Variants in MEI4 observed in about 807,000 individuals in gnomAD.
MEI4 encodes the protein meiosis-specific protein MEI4.
MEI4 carries 27 observed loss-of-function variants against 31.4 expected under a neutral mutation model. The observed-to-expected ratio is 0.86, with a 90% CI of 0.63 to 1.19. MEI4 has a LOEUF of 1.19. Ranked by LOEUF, MEI4 falls within the 50% of genes most tolerant of loss-of-function variation. MEI4 has a pLI of 0.00. For missense variants in MEI4, 329 were observed against 398.9 expected (o/e 0.82, Z 1.49); for synonymous variants, 122 against 145.4 (o/e 0.84, Z 1.16).
rs556630362 is a variant in MEI4, at chr6:77,925,200, T to C, written c.*1854T>C. The stretch of plus-strand genomic sequence containing the variant: ...TTTGGAGCTACAACAAATTTATTAA[T>C]TTCAGTGGTCTCCAAGGCTTCAAGG... On this transcript the variant is annotated 3_prime_UTR_variant, in exon 5 of 5. Transcript: ENST00000684080. 36 of 152,006 alleles carry C rather than the reference T, an allele frequency of 2.4e-4. No individual in the cohort carries two copies. In the South Asian group the frequency reaches 7.5e-3, roughly 31 times the overall value. The allele number at this position is 152,006 out of a possible 1,614,324, so 9.4% of individuals were successfully genotyped here.
In MEI4 at chr6:77,886,512, C is replaced by G. The variant is rs148929223; in HGVS notation, c.901-36577C>G. On this transcript the variant is annotated intron_variant, in intron 4 of 4. Coordinates refer to ENST00000684080, the MANE Select transcript of MEI4 (RefSeq NM_001322247.2). Reference sequence around the variant, plus strand: ...GTGGTGCAAGCTCAGCTTACTGCAACCTCTGCCTTTCAGGTTCAAGCAATT... The same window carrying G: ...GTGGTGCAAGCTCAGCTTACTGCAAGCTCTGCCTTTCAGGTTCAAGCAATT... Among the ~76,000 whole-genome samples, 213 of 152,060 alleles carry G rather than the reference C, an allele frequency of 1.4e-3. 1 individual carries two copies. Among genetic ancestry groups the G allele is most frequent in the African/African-American group, 4.5e-3 (187 of 41,474 alleles).
intron 2 of MEI4, among the ~76,000 whole-genome samples, chr6:77,751,647 C>A (rs1423069308): frequency 6.6e-6 from 1 of 152,044 alleles, no homozygotes; most frequent in African/African-American, 2.4e-5. Flanking sequence ...CAAAAAAAGT[C>A]CAGGACCAGA....
At chr6:77,682,361 G>C (rs1291595305) in intron 1 of MEI4, among the ~76,000 whole-genome samples, 3 of 152,162 alleles carry the variant, frequency 2.0e-5, no homozygotes, top group African/African-American at 7.2e-5. Flanking sequence ...ACCTAAAACT[G>C]TATGCGAATT....
intron 3 of MEI4, among the ~76,000 whole-genome samples, chr6:77,804,017 A>G (rs970738645): frequency 1.3e-5 from 2 of 152,146 alleles, no homozygotes; most frequent in Admixed American, 1.3e-4. Flanking sequence ...AGGGACATTT[A>G]TGTCTGCAGA....
rs568325110 is a variant in MEI4 at position 77,745,884 on chromosome 6, G to A, written c.233-15246G>A. Among the ~76,000 whole-genome samples the A allele has an allele frequency of 3.5e-4, 53 of 152,220 alleles. No individual in the cohort carries two copies. In the East Asian group the frequency reaches 9.5e-3, roughly 27 times the overall value. On this transcript the variant is annotated intron_variant, in intron 2 of 4. Coordinates refer to ENST00000684080, the MANE Select transcript of MEI4 (RefSeq NM_001322247.2). ...CCTGAATGACTACTGGGTACATAAT[G>A]AAATGAAGGGAGAAATAAAGATGTT...
At chr6:77,883,141 G>GA (rs1228644153) in intron 4 of MEI4, among the ~76,000 whole-genome samples, 3 of 151,968 alleles carry the variant, frequency 2.0e-5, no homozygotes, top group African/African-American at 7.2e-5. Context: ...ATATGTATCT[G>GA]AAAAAAAGAT....
At chr6:77,842,716 G>T (rs748709616) in intron 4 of MEI4, among the ~76,000 whole-genome samples, 2 of 151,976 alleles carry the variant, frequency 1.3e-5, no homozygotes, top group African/African-American at 4.8e-5. Flanking sequence ...AGAAAGAAAA[G>T]GTACAACTTG....
chr6:77,895,904 A>G (rs934953804), intron 4 of MEI4, among the ~76,000 whole-genome samples: 28 of 152,160 alleles, frequency 1.8e-4, no homozygotes, highest in African/African-American at 6.8e-4. Context: ...CACATAATAA[A>G]CACTGTATTA....
At position 77,923,623 on chromosome 6, in the gene MEI4, G is replaced by A. The variant is rs184918143; in HGVS notation, c.*277G>A. The A allele has an allele frequency of 7.2e-5, 15 of 208,406 alleles. No homozygotes were observed. The East Asian group carries it at 1.4e-3, about 20-fold the overall frequency. The allele number at this position is 208,406 out of a possible 1,614,324, so 12.9% of individuals were successfully genotyped here. A position where few individuals can be genotyped will look rare whatever the true frequency, so the allele number is the denominator to read the frequency against. ...CAATATAGTTTAGCTCTATTATTCT[G>A]TAAAATGGACCATTAATTGTCTGTC... On this transcript the variant is annotated 3_prime_UTR_variant, in exon 5 of 5. Transcript: ENST00000684080.
At chr6:77,752,982 A>G (rs1010199573) in intron 2 of MEI4, among the ~76,000 whole-genome samples, 1 of 152,214 alleles carries the variant, frequency 6.6e-6, no homozygotes, top group African/African-American at 2.4e-5. Context: ...GACAAACCTG[A>G]CAAAAACAAG....
At chr6:77,690,213 TA>T (rs1769133372) in intron 1 of MEI4, among the ~76,000 whole-genome samples, 1 of 152,014 alleles carries the variant, frequency 6.6e-6, no homozygotes, top group East Asian at 1.9e-4. Context: ...AGGAAGGACT[TA>T]AATTTATAAA....
rs9448142 is a variant in MEI4, at chr6:77,684,774, T to C, written c.-14-5884T>C. ...AATCTGTTGATACACAATTAGGTTG[T>C]TTCCAAATCTTAGTTATTGTAAATA... On this transcript the variant is annotated intron_variant, in intron 1 of 4. Coordinates refer to ENST00000684080, the MANE Select transcript of MEI4 (RefSeq NM_001322247.2). 8.1e-3 allele frequency among the ~76,000 whole-genome samples: 1,227 copies of C among 152,320 alleles called. 14 individuals carry two copies. The highest frequency in any genetic ancestry group is 0.027 in the African/African-American group (1,111 of 41,576).
chr6:77,680,168 A>G (rs1582016544), intron 1 of MEI4, among the ~76,000 whole-genome samples: 6 of 138,472 alleles, frequency 4.3e-5, no homozygotes, highest in Admixed American at 1.6e-4. Flanking sequence ...AGTCCCAGCT[A>G]CTCAGGAGGC....
intron 4 of MEI4, among the ~76,000 whole-genome samples, chr6:77,849,138 A>G (rs1165317702): frequency 6.6e-6 from 1 of 152,178 alleles, no homozygotes; most frequent in Non-Finnish European, 1.5e-5. Flanking sequence ...GAAAAATAAC[A>G]ATAATAAACC....
intron 2 of MEI4, among the ~76,000 whole-genome samples, chr6:77,711,769 T>G (rs1014024524): frequency 6.6e-6 from 1 of 152,230 alleles, no homozygotes; most frequent in African/African-American, 2.4e-5. Flanking sequence ...GACTGTTTCT[T>G]CTACTCTCAG....
At position 77,835,336 on chromosome 6, in the gene MEI4, G is replaced by A. The variant is rs1770187639; in HGVS notation, c.900+6274G>A. Among the ~76,000 whole-genome samples, 7 of 143,832 alleles carry A rather than the reference G, an allele frequency of 4.9e-5. No individual in the cohort carries two copies. In the South Asian group the frequency reaches 1.5e-3, roughly 31 times the overall value. 94.4% of individuals were successfully genotyped at this position (143,832 alleles called of 152,430 possible). On this transcript the variant is annotated intron_variant, in intron 4 of 4. Transcript: ENST00000684080. ...GACTGCACCATTGCACTCCAGCCTG[G>A]GCAACAAGAGTGAAACTCCATAAGA...
chr6:77,694,702 G>C (rs1446738447), intron 2 of MEI4, among the ~76,000 whole-genome samples: 1 of 152,122 alleles, frequency 6.6e-6, no homozygotes, highest in Non-Finnish European at 1.5e-5. Flanking sequence ...TTGCTAGTGT[G>C]ACTAGTGCCT....
In MEI4 at chr6:77,695,035, A is replaced by G. The variant is rs1160190056; in HGVS notation, c.232+4132A>G. Among the ~76,000 whole-genome samples, 7 of 151,942 alleles carry G rather than the reference A, an allele frequency of 4.6e-5. No homozygotes were observed. In the South Asian group the frequency reaches 8.3e-4, roughly 18 times the overall value. On this transcript the variant is annotated intron_variant, in intron 2 of 4. Coordinates refer to ENST00000684080, the MANE Select transcript of MEI4 (RefSeq NM_001322247.2). ...CCAGTGATGATGAGCATTTTTTCAT[A>G]TGTCTTTTGGCTGCATAAATGTCTT...
intron 2 of MEI4, among the ~76,000 whole-genome samples, chr6:77,726,622 G>A (rs1309517512): frequency 6.6e-6 from 1 of 152,096 alleles, no homozygotes; most frequent in African/African-American, 2.4e-5. Flanking sequence ...ATTAAACAGA[G>A]GGGAGACATT....
Sources: gnomAD v4.1 joint callset for allele counts (sites outside exome capture counted in the v4.1 genomes callset) on GRCh38, gnomAD v4.1.1 for gene constraint, MANE v1.5 for transcripts, NCBI Gene and HGNC (gene_info 2026-07-23, HGNC 2026-07-21) for gene names.